GRIN2A: variants seen among roughly 807,000 people sequenced by gnomAD.
The protein encoded by GRIN2A is glutamate ionotropic receptor NMDA type subunit 2A, also known as glutamate receptor ionotropic, NMDA 2A.
Under a neutral mutation model 113.4 loss-of-function variants are expected in GRIN2A, and 22 were observed. The ratio of observed to expected loss-of-function variants is 0.19; its 90% CI spans 0.14 to 0.28. GRIN2A has a LOEUF of 0.28. Ranked by LOEUF, GRIN2A falls within the 10% of genes least tolerant of loss-of-function variation. GRIN2A has a pLI of 1.00. For synonymous variants in GRIN2A, 827 were observed against 738.4 expected (o/e 1.12, Z -1.94); for missense variants, 1,502 against 1,887.0 (o/e 0.80, Z 3.78).
At chr16:9,789,051 C>T (rs994069665) in intron 11 of GRIN2A, among the ~76,000 whole-genome samples, 1 of 152,144 alleles carries the variant, frequency 6.6e-6, no homozygotes, top group Non-Finnish European at 1.5e-5. Context: ...CTTCTCTGCC[C>T]TTCTTATCTG....
At chr16:9,816,590 C>G (rs781278825) in intron 10 of GRIN2A, among the ~76,000 whole-genome samples, 4 of 152,138 alleles carry the variant, frequency 2.6e-5, no homozygotes, top group African/African-American at 9.7e-5. Flanking sequence ...GGCATATGTG[C>G]GACGCTTGCA....
chr16:10,157,704 C>T (rs1412972714), intron 2 of GRIN2A, among the ~76,000 whole-genome samples: 2 of 152,120 alleles, frequency 1.3e-5, no homozygotes, highest in African/African-American at 4.8e-5. Flanking sequence ...GGGAAACAGC[C>T]CCCACGATCA....
intron 2 of GRIN2A, among the ~76,000 whole-genome samples, chr16:9,997,071 A>G (rs1397054712): frequency 2.0e-5 from 3 of 152,150 alleles, no homozygotes; most frequent in African/African-American, 7.2e-5. Context: ...TCCTGACAAC[A>G]CAGAAGAAAA....
chr16:9,994,222 G>C (rs146306198), intron 2 of GRIN2A, among the ~76,000 whole-genome samples: 1 of 152,254 alleles, frequency 6.6e-6, no homozygotes, highest in Non-Finnish European at 1.5e-5. Context: ...CTGCTGAAGA[G>C]GGCCCTGCAC....
intron 2 of GRIN2A, among the ~76,000 whole-genome samples, chr16:9,979,845 C>CTGTGTG (rs60999132): frequency 3.0e-5 from 4 of 133,522 alleles, no homozygotes; most frequent in Admixed American, 7.7e-5. Flanking sequence ...GACTTATATT[C>CTGTGTG]TGTGTGTGTG....
chr16:10,149,536 C>A (rs972465359), intron 2 of GRIN2A, among the ~76,000 whole-genome samples: 1 of 152,150 alleles, frequency 6.6e-6, no homozygotes, highest in African/African-American at 2.4e-5. Flanking sequence ...AAGAATCATT[C>A]TTTCTCTCTC....
At chr16:9,799,735 A>G (rs1903238981) in intron 10 of GRIN2A, among the ~76,000 whole-genome samples, 1 of 152,228 alleles carries the variant, frequency 6.6e-6, no homozygotes, top group Admixed American at 6.5e-5. Context: ...TAGTGAATAT[A>G]TTTCCATGTG....
At chr16:10,158,380 C>T (rs2049746238) in intron 2 of GRIN2A, among the ~76,000 whole-genome samples, 1 of 152,166 alleles carries the variant, frequency 6.6e-6, no homozygotes, top group South Asian at 2.1e-4. Flanking sequence ...ATAAGTCAAG[C>T]ATAGTATTAC....
chr16:10,179,690 A>T, intron 2 of GRIN2A: 1 of 468,434 alleles, frequency 2.1e-6, no homozygotes, highest in South Asian at 2.2e-5. Flanking sequence ...TAAATCTCCA[A>T]ACATGCCACC....
At chr16:10,127,694 A>G (rs2048971182) in intron 2 of GRIN2A, among the ~76,000 whole-genome samples, 2 of 152,306 alleles carry the variant, frequency 1.3e-5, no homozygotes, top group African/African-American at 4.8e-5. Flanking sequence ...CAATCAATAA[A>G]TATTTGTGGA....
intron 2 of GRIN2A, among the ~76,000 whole-genome samples, chr16:9,988,228 G>A (rs564595756): frequency 1.3e-5 from 2 of 152,122 alleles, no homozygotes; most frequent in East Asian, 3.9e-4. Flanking sequence ...TGTCTGGGGA[G>A]TGTGTCTCTC....
chr16:9,766,857 C>T (rs1046357576), intron 12 of GRIN2A, among the ~76,000 whole-genome samples: 4 of 152,234 alleles, frequency 2.6e-5, no homozygotes, highest in African/African-American at 9.6e-5. Flanking sequence ...GATCAAGGGA[C>T]TCCACCAACA....
At chr16:10,165,066 C>A (rs2049883698) in intron 2 of GRIN2A, among the ~76,000 whole-genome samples, 1 of 152,112 alleles carries the variant, frequency 6.6e-6, no homozygotes, top group East Asian at 1.9e-4. Context: ...GTAATGGATT[C>A]TATTAAAAGC....
At chr16:10,056,509 A>C (rs898697326) in intron 2 of GRIN2A, among the ~76,000 whole-genome samples, 3 of 152,192 alleles carry the variant, frequency 2.0e-5, no homozygotes, top group African/African-American at 7.2e-5. Context: ...TGGGTTGAGC[A>C]GCATCCTTCA....
At chr16:10,136,414 T>G (rs2049192214) in intron 2 of GRIN2A, among the ~76,000 whole-genome samples, 1 of 152,210 alleles carries the variant, frequency 6.6e-6, no homozygotes, top group Non-Finnish European at 1.5e-5. Flanking sequence ...AACCAGGTCC[T>G]CCTTCCAAGA....
At chr16:10,179,874 ACCC>A in intron 2 of GRIN2A, 121 bp downstream of exon 2, 2 of 629,324 alleles carry the variant, frequency 3.2e-6, no homozygotes, top group East Asian at 3.5e-5. Flanking sequence ...AGTGGCCACG[ACCC>A]TCCCACCCCC....
At chr16:10,149,880 C>T (rs1055187203) in intron 2 of GRIN2A, among the ~76,000 whole-genome samples, 9 of 152,188 alleles carry the variant, frequency 5.9e-5, no homozygotes, top group African/African-American at 1.9e-4. Context: ...CCAAACTGCT[C>T]TTTTAAAAAG....
chr16:9,830,644 T>C (rs1306828907), intron 8 of GRIN2A, among the ~76,000 whole-genome samples: 1 of 152,156 alleles, frequency 6.6e-6, no homozygotes, highest in East Asian at 1.9e-4. Context: ...ATAAATAAAG[T>C]GGCAGAAGCA....
At chr16:10,172,318 G>A (rs981090439) in intron 2 of GRIN2A, among the ~76,000 whole-genome samples, 3 of 152,230 alleles carry the variant, frequency 2.0e-5, no homozygotes, top group South Asian at 4.1e-4. Context: ...TGTTGAGAAG[G>A]CCTTAAGGCC....
Sources: allele counts gnomAD v4.1 joint callset (sites outside exome capture counted in the v4.1 genomes callset), GRCh38; gene constraint gnomAD v4.1.1; transcripts MANE v1.5; gene names NCBI Gene and HGNC (gene_info 2026-07-23, HGNC 2026-07-21).